The following KCNMA1 variants were observed in gnomAD, a reference collection of about 807,000 sequenced individuals.
KCNMA1 encodes the protein potassium calcium-activated channel subfamily M alpha 1.
In KCNMA1, 29 loss-of-function variants were observed where a neutral mutation model predicts 140.0. The observed-to-expected ratio is 0.21, with a 90% CI of 0.15 to 0.28. The LOEUF is 0.28. Ranked by LOEUF, KCNMA1 falls within the 10% of genes least tolerant of loss-of-function variation. The pLI is 1.00. For synonymous variants in KCNMA1, 612 were observed against 611.9 expected, an observed-to-expected ratio of 1.00 and a Z score of 0.00; for missense variants, 880 against 1,602.2, an observed-to-expected ratio of 0.55 and a Z score of 7.70.
At chr10:77,621,370 A>G (rs997559199) in intron 1 of KCNMA1, among the ~76,000 whole-genome samples, 7 of 152,316 alleles carry the variant, frequency 4.6e-5, no homozygotes, top group Non-Finnish European at 1.5e-5. Context: ...AGAGTTTGAG[A>G]TATGAGCATA....
At chr10:77,007,743 A>G (rs1333015938) in intron 18 of KCNMA1, among the ~76,000 whole-genome samples, 1 of 149,612 alleles carries the variant, frequency 6.7e-6, no homozygotes, top group African/African-American at 2.5e-5. Flanking sequence ...CAAGCTCAAT[A>G]ACAAAGGAGA....
At chr10:77,240,163 C>G (rs2056889833) in intron 3 of KCNMA1, among the ~76,000 whole-genome samples, 1 of 152,090 alleles carries the variant, frequency 6.6e-6, no homozygotes, top group Non-Finnish European at 1.5e-5. Context: ...GGAAAATATG[C>G]CCTGTGACTT....
At chr10:77,107,750 G>A (rs11593013) in intron 9 of KCNMA1, among the ~76,000 whole-genome samples, 1,787 of 152,280 alleles carry the variant, frequency 0.012, 10 homozygotes, top group Non-Finnish European at 0.019. Flanking sequence ...TTTCTTGCCC[G>A]GAAGGAATTT....
In KCNMA1 at chr10:76,953,816, T is replaced by G. The variant is rs111630810; in HGVS notation, c.2469A>C (p.Ile823=). ...GMFHWCAPKE[I]EKVILTRSEA... ...CCTCACTCACCAGGATGACTTTCTC[T>G]ATCTCCTTGGGTGCACACCAGTGAA... Residue 823 remains isoleucine, a synonymous_variant, in exon 21 of 28, where the codon ATA becomes ATC. Coordinates refer to ENST00000286628, the MANE Select transcript of KCNMA1 (RefSeq NM_001161352.2). The G allele has an allele frequency of 2.0e-5, 32 of 1,613,558 alleles. No homozygotes were observed. In the African/African-American group the frequency reaches 2.4e-4, roughly 12 times the overall value.
rs111335770 is a variant in KCNMA1, at chr10:77,618,948, A to G, written c.378+18317T>C. 7.8e-3 allele frequency among the ~76,000 whole-genome samples: 1,188 copies of G among 152,330 alleles called. 13 individuals carry two copies. The highest frequency in any genetic ancestry group is 0.01 in the Non-Finnish European group (710 of 68,030). Reference sequence around the variant, plus strand: ...CCGGCAGTGTGAACAGCATGTGTGAAGGCCCAGAGGTAAAAATCAAAAGGT... The same window carrying G: ...CCGGCAGTGTGAACAGCATGTGTGAGGGCCCAGAGGTAAAAATCAAAAGGT... On this transcript the variant is annotated intron_variant, in intron 1 of 27. Coordinates refer to ENST00000286628, the MANE Select transcript of KCNMA1 (RefSeq NM_001161352.2).
At position 76,889,064 on chromosome 10, in the gene KCNMA1, A is replaced by ACAAG. The variant is rs527724978; in HGVS notation, c.3461+386_3461+387insCTTG. ...ACAGAGCAACACTCCATCTCAAAAAACAAACAAACAAAAAACAAAAAAACA... is the reference window on the plus strand; with the variant it reads ...ACAGAGCAACACTCCATCTCAAAAAACAAGCAAACAAACAAAAAACAAAAAAACA... On this transcript the variant is annotated intron_variant, in intron 27 of 27. Coordinates refer to ENST00000286628, the MANE Select transcript of KCNMA1 (RefSeq NM_001161352.2). Among the ~76,000 whole-genome samples the ACAAG allele has an allele frequency of 7.5e-4, 114 of 151,906 alleles. 1 individual carries two copies. Among genetic ancestry groups the ACAAG allele is most frequent in the African/African-American group, 2.6e-3 (108 of 41,378 alleles).
At chr10:76,947,255 T>C (rs1160599854) in intron 22 of KCNMA1, among the ~76,000 whole-genome samples, 1 of 152,142 alleles carries the variant, frequency 6.6e-6, no homozygotes, top group African/African-American at 2.4e-5. Flanking sequence ...GAGAATCGCT[T>C]GAACCCAGGA....
chr10:77,553,874 A>C (rs1166609176), intron 1 of KCNMA1, among the ~76,000 whole-genome samples: 3 of 152,218 alleles, frequency 2.0e-5, no homozygotes, highest in African/African-American at 7.2e-5. Flanking sequence ...TCTAAAACCT[A>C]GAAGAGCATC....
chr10:77,313,054 T>G (rs1350944444), intron 2 of KCNMA1, among the ~76,000 whole-genome samples: 1 of 152,190 alleles, frequency 6.6e-6, no homozygotes, highest in African/African-American at 2.4e-5. Context: ...GACTTCCTGT[T>G]GCCAGTGGAC....
At chr10:77,251,522 T>A (rs2059661848) in intron 2 of KCNMA1, among the ~76,000 whole-genome samples, 1 of 152,162 alleles carries the variant, frequency 6.6e-6, no homozygotes, top group African/African-American at 2.4e-5. Context: ...GACCCTGTTA[T>A]CTCGAAGTCC....
intron 5 of KCNMA1, among the ~76,000 whole-genome samples, chr10:77,131,958 C>G (rs1223668806): frequency 1.1e-5 from 1 of 88,780 alleles, no homozygotes; most frequent in South Asian, 4.8e-4. Flanking sequence ...GAGCAAGACT[C>G]GGTCTCAAAA....
intron 15 of KCNMA1, among the ~76,000 whole-genome samples, chr10:77,037,444 A>G (rs1184054719): frequency 1.3e-5 from 2 of 152,202 alleles, no homozygotes; most frequent in Non-Finnish European, 2.9e-5. Flanking sequence ...CAACTAGTTG[A>G]TATCTACGTG....
At chr10:76,877,721 G>C, downstream of KCNMA1, 1 of 1,548,998 alleles carries the variant, frequency 6.5e-7, no homozygotes, top group Non-Finnish European at 8.7e-7. Flanking sequence ...TAAAAAAATA[G>C]TTCTGGTCTC....
At chr10:77,263,801 C>G (rs746543862) in intron 2 of KCNMA1, among the ~76,000 whole-genome samples, 1 of 152,096 alleles carries the variant, frequency 6.6e-6, no homozygotes, top group Non-Finnish European at 1.5e-5. Context: ...ACTCCATTTT[C>G]TCCTCTGCAG....
chr10:77,141,950 G>A (rs2616650), intron 5 of KCNMA1, among the ~76,000 whole-genome samples: 18,823 of 152,228 alleles, frequency 0.12, 2,753 homozygotes, highest in East Asian at 0.73. Context: ...GCTGGGTACT[G>A]GGTATTTGCT....
intron 24 of KCNMA1, chr10:76,913,666 A>C: frequency 5.8e-6 from 1 of 173,508 alleles, no homozygotes; most frequent in South Asian, 1.9e-4. Context: ...GACTTCCTCT[A>C]AGAGCTGTGA....
At chr10:77,064,117 T>C in intron 14 of KCNMA1, 1 of 985,272 alleles carries the variant, frequency 1.0e-6, no homozygotes, top group Non-Finnish European at 1.2e-6. Flanking sequence ...CCAAGACCCA[T>C]ATAAAAGAAT....
chr10:77,261,827 C>G (rs1303874301), intron 2 of KCNMA1, among the ~76,000 whole-genome samples: 1 of 152,086 alleles, frequency 6.6e-6, no homozygotes, highest in Non-Finnish European at 1.5e-5. Flanking sequence ...ATTGAAAAAC[C>G]TAGGGGAAAA....
chr10:77,519,169 G>C (rs1354899273), intron 1 of KCNMA1, among the ~76,000 whole-genome samples: 8 of 152,238 alleles, frequency 5.3e-5, no homozygotes, highest in Non-Finnish European at 1.2e-4. Flanking sequence ...CGCCTGGCCT[G>C]GGCCAGCACG....
Sources: gnomAD v4.1 joint callset for allele counts (sites outside exome capture counted in the v4.1 genomes callset) on GRCh38, gnomAD v4.1.1 for gene constraint, MANE v1.5 for transcripts, NCBI Gene and HGNC (gene_info 2026-07-23, HGNC 2026-07-21) for gene names.